Variants in TLN2 observed in about 807,000 individuals in gnomAD.
The protein encoded by TLN2 is talin-2.
Under a neutral mutation model 294.7 loss-of-function variants are expected in TLN2, and 118 were observed. That is an observed-to-expected ratio of 0.40 (90% confidence interval 0.34 to 0.47). The LOEUF is 0.47. Ranked by LOEUF, TLN2 falls within the 20% of genes least tolerant of loss-of-function variation. TLN2 has a pLI of 0.84. For missense variants in TLN2, 3,083 were observed against 3,282.2 expected, an observed-to-expected ratio of 0.94 and a Z score of 1.48; for synonymous variants, 1,431 against 1,304.5, an observed-to-expected ratio of 1.10 and a Z score of -2.09.
In TLN2 at chr15:62,819,558, G is replaced by T. The variant is rs368081185; in HGVS notation, c.6814G>T (p.Ala2272Ser). ...PTPEFKQQLAAFSKRVAGAVT... is the reference protein window; with the variant it reads ...PTPEFKQQLASFSKRVAGAVT... Reference sequence around the variant, plus strand: ...CCCAGAATTCAAGCAGCAGCTGGCCGCTTTCTCCAAGCGAGTCGCCGGCGC... The same window carrying T: ...CCCAGAATTCAAGCAGCAGCTGGCCTCTTTCTCCAAGCGAGTCGCCGGCGC... The change falls in exon 53 of 59, where the codon GCT becomes TCT. Residue 2272 changes from alanine to serine, a missense_variant. Physicochemically the swap from Ala to Ser is moderately conservative, Grantham distance 99. Transcript: ENST00000636159. The T allele has an allele frequency of 1.1e-5, 18 of 1,613,790 alleles. No individual in the cohort carries two copies. In the African/African-American group the frequency reaches 2.4e-4, roughly 22 times the overall value.
intron 41 of TLN2, among the ~76,000 whole-genome samples, chr15:62,766,771 T>TTGGC (rs2063035795): frequency 6.6e-6 from 1 of 152,192 alleles, no homozygotes; most frequent in Non-Finnish European, 1.5e-5. Flanking sequence ...TCTGCCACCT[T>TTGGC]TGGCTGGCTG....
At chr15:62,793,906 G>T (rs779277175) in intron 46 of TLN2, among the ~76,000 whole-genome samples, 2 of 151,732 alleles carry the variant, frequency 1.3e-5, no homozygotes, top group Non-Finnish European at 2.9e-5. Context: ...TGCTCTGTCC[G>T]TGGCCCTCCC....
intron 23 of TLN2, among the ~76,000 whole-genome samples, chr15:62,717,286 G>A (rs926696182): frequency 1.3e-5 from 2 of 152,154 alleles, no homozygotes; most frequent in African/African-American, 4.8e-5. Context: ...CAGCTTGTCA[G>A]TGTCATTATG....
At chr15:62,763,734 G>C (rs750160140) in intron 40 of TLN2, 39 bp downstream of exon 40, 4 of 1,544,128 alleles carry the variant, frequency 2.6e-6, no homozygotes, top group Non-Finnish European at 3.5e-6. Context: ...GTCGCCTCTA[G>C]ATATGTTGAA....
intron 2 of TLN2, among the ~76,000 whole-genome samples, chr15:62,606,492 T>G (rs76353990): frequency 0.025 from 3,780 of 152,278 alleles, 99 homozygotes; most frequent in South Asian, 0.069. Context: ...AGAATCCAGC[T>G]AGGCCTAATA....
At chr15:62,577,482 C>A (rs2044528271) in intron 1 of TLN2, among the ~76,000 whole-genome samples, 1 of 152,068 alleles carries the variant, frequency 6.6e-6, no homozygotes, top group Non-Finnish European at 1.5e-5. Flanking sequence ...ACAAAAAACA[C>A]AAACAAAAGA....
At chr15:62,648,871 G>T (rs1221605973) in intron 4 of TLN2, among the ~76,000 whole-genome samples, 1 of 150,466 alleles carries the variant, frequency 6.6e-6, no homozygotes, top group East Asian at 1.9e-4. Context: ...TTGAGACAGG[G>T]TCTCGCTCTG....
intron 2 of TLN2, among the ~76,000 whole-genome samples, chr15:62,602,132 T>G (rs2047058613): frequency 6.6e-6 from 1 of 152,208 alleles, no homozygotes; most frequent in African/African-American, 2.4e-5. Flanking sequence ...TTCTGGATAC[T>G]TACAGTGGAC....
rs2069473076 is a variant in TLN2, at chr15:62,835,787, G to T, written c.7179G>T (p.Gly2393=). 3 of 1,614,082 alleles carry T rather than the reference G, an allele frequency of 1.9e-6. No homozygotes were observed. The highest frequency in any genetic ancestry group is 2.7e-5 in the African/African-American group (2 of 74,926). ...CAGACGACGGACAGTGGTCACAGGG[G>T]CTGATTTCTGCTGTGAGTTGCCTTC... ...NAADDGQWSQ[G]LISAARMVAA... is the part of the protein sequence containing the mutation. The change falls in exon 56 of 59, where the codon GGG becomes GGT. Residue 2393 remains glycine (G), a synonymous_variant. Transcript: ENST00000636159.
intron 1 of TLN2, among the ~76,000 whole-genome samples, chr15:62,562,838 C>G (rs1415200730): frequency 6.6e-6 from 1 of 150,674 alleles, no homozygotes; most frequent in Non-Finnish European, 1.5e-5. Context: ...GAATAATAGT[C>G]TCCAGTTCCA....
chr15:62,551,635 G>A (rs917476036), intron 1 of TLN2, among the ~76,000 whole-genome samples: 1 of 152,140 alleles, frequency 6.6e-6, no homozygotes, highest in African/African-American at 2.4e-5. Flanking sequence ...GGAGATGGAG[G>A]TTGCAGTGAG....
chr15:62,701,936 A>C (rs2141099548), intron 17 of TLN2, 56 bp from the exon 18 acceptor site: 1 of 1,591,786 alleles, frequency 6.3e-7, no homozygotes, highest in Middle Eastern at 1.8e-4. Flanking sequence ...GGTTTTGAAA[A>C]TTCTCACCAG....
chr15:62,744,404 ATT>A (rs71131126), intron 32 of TLN2, among the ~76,000 whole-genome samples: 1,311 of 125,026 alleles, frequency 0.01, 20 homozygotes, highest in African/African-American at 0.031. Flanking sequence ...GTTATTTTTA[ATT>A]TTTTTTTTTT....
intron 1 of TLN2, among the ~76,000 whole-genome samples, chr15:62,468,831 C>CT (rs148035091): frequency 0.059 from 9,020 of 151,816 alleles, 467 homozygotes; most frequent in African/African-American, 0.14. Flanking sequence ...CATGACAATT[C>CT]TTTAGAAATG....
chr15:62,470,360 T>C (rs942051233), intron 1 of TLN2, among the ~76,000 whole-genome samples: 6 of 152,226 alleles, frequency 3.9e-5, no homozygotes, highest in Non-Finnish European at 1.5e-5. Flanking sequence ...AACGAGACCC[T>C]GGCTTATGCT....
At chr15:62,454,636 C>T (rs1595843287) in intron 1 of TLN2, among the ~76,000 whole-genome samples, 1 of 152,146 alleles carries the variant, frequency 6.6e-6, no homozygotes, top group Non-Finnish European at 1.5e-5. Context: ...CCGTGAGTCC[C>T]CTTCTGGCTT....
intron 1 of TLN2, among the ~76,000 whole-genome samples, chr15:62,458,266 G>A (rs1044681550): frequency 4.6e-5 from 7 of 152,112 alleles, no homozygotes; most frequent in African/African-American, 1.7e-4. Context: ...CATGCTAAGG[G>A]TCAGGCGGGG....
At position 62,606,749 on chromosome 15, in the gene TLN2, G is replaced by C. The variant is rs561911539; in HGVS notation, c.-161-11602G>C. Reference sequence around the variant, plus strand: ...ATTGATTTTGAAATTGGGCAGACTTGGGTTGAAGCCCTGACTCCTACCACT... The same window carrying C: ...ATTGATTTTGAAATTGGGCAGACTTCGGTTGAAGCCCTGACTCCTACCACT... On this transcript the variant is annotated intron_variant, in intron 2 of 58. Coordinates refer to ENST00000636159, the MANE Select transcript of TLN2 (RefSeq NM_015059.3). 3.3e-5 allele frequency among the ~76,000 whole-genome samples: 5 copies of C among 152,294 alleles called. No homozygotes were observed. The East Asian group carries it at 9.6e-4, about 29-fold the overall frequency.
chr15:62,666,827 G>A (rs2054708004), intron 9 of TLN2, among the ~76,000 whole-genome samples: 1 of 152,186 alleles, frequency 6.6e-6, no homozygotes, highest in Non-Finnish European at 1.5e-5. Context: ...TGTAATTTGA[G>A]CTTTCAGCCC....
Sources: gnomAD v4.1 joint callset for allele counts (sites outside exome capture counted in the v4.1 genomes callset) on GRCh38, gnomAD v4.1.1 for gene constraint, MANE v1.5 for transcripts, NCBI Gene and HGNC (gene_info 2026-07-23, HGNC 2026-07-21) for gene names.